TMEM135: variants seen among roughly 807,000 people sequenced by gnomAD.
The protein encoded by TMEM135 is transmembrane protein 135.
A neutral mutation model predicts 60.3 loss-of-function variants in TMEM135; 30 were observed. The observed-to-expected ratio is 0.50, with a 90% CI of 0.37 to 0.68. The LOEUF (loss-of-function observed/expected upper bound fraction) is 0.68. Among genes scored for constraint, TMEM135 ranks in the 30% least tolerant of loss-of-function variants. TMEM135 has a pLI of 0.00. For synonymous variants in TMEM135, 190 were observed against 186.7 expected, an observed-to-expected ratio of 1.02 and a Z score of -0.14; for missense variants, 468 against 548.8, an observed-to-expected ratio of 0.85 and a Z score of 1.47.
intron 13 of TMEM135, 122 bp downstream of exon 13, chr11:87,318,357 T>TTTTTG (rs903134090): frequency 4.8e-5 from 39 of 806,302 alleles, no homozygotes; most frequent in African/African-American, 4.7e-4. Context: ...TTAAGCTTCT[T>TTTTTG]TTTTGTTTTG....
At chr11:87,183,362 C>T (rs1034483986) in intron 5 of TMEM135, among the ~76,000 whole-genome samples, 4 of 150,872 alleles carry the variant, frequency 2.7e-5, no homozygotes, top group Non-Finnish European at 4.4e-5. Flanking sequence ...AGGCTGGGCT[C>T]GAACTCCTGA....
chr11:87,227,810 A>G (rs1216194788), intron 5 of TMEM135, among the ~76,000 whole-genome samples: 1 of 152,198 alleles, frequency 6.6e-6, no homozygotes, highest in African/African-American at 2.4e-5. Context: ...TGTTTTCAGA[A>G]AAGTTGAAGA....
At chr11:87,062,519 C>T (rs139692769) in intron 1 of TMEM135, among the ~76,000 whole-genome samples, 3,307 of 142,656 alleles carry the variant, frequency 0.023, 58 homozygotes, top group Admixed American at 0.036. Flanking sequence ...GTTGGAGTGC[C>T]ATGGTGTGAT....
chr11:87,309,477 A>G lies in TMEM135; in HGVS notation c.769-28A>G, dbSNP rs199497688. On this transcript the variant is annotated intron_variant, in intron 9 of 14. Coordinates refer to ENST00000305494, the MANE Select transcript of TMEM135 (RefSeq NM_022918.4). The stretch of plus-strand genomic sequence containing the variant: ...CAAAAACTTCAAAATTTGTTTGTAA[A>G]TCAGGTTTTTCTCCAAATTTCCTCT... The G allele has an allele frequency of 2.1e-4, 345 of 1,613,048 alleles. 4 individuals are homozygous for G. In the South Asian group the frequency reaches 3.6e-3, roughly 17 times the overall value.
chr11:87,037,969 T>A lies in TMEM135; in HGVS notation c.-77T>A. ...TCCGAGTGCTGGCCGGGCGAGAGGC[T>A]GGCGGCTGGGCTCTCGCGCCCCTCC... On this transcript the variant is annotated 5_prime_UTR_variant, in exon 1 of 15. Transcript: ENST00000305494. 1 of 1,600,974 alleles carries A rather than the reference T, an allele frequency of 6.2e-7. No individual in the cohort carries two copies.
chr11:87,237,199 A>G (rs1357929015), intron 6 of TMEM135, among the ~76,000 whole-genome samples: 1 of 151,998 alleles, frequency 6.6e-6, no homozygotes, highest in Non-Finnish European at 1.5e-5. Flanking sequence ...GTTGGGGGCT[A>G]AGGGGAAGAG....
At position 87,244,091 on chromosome 11, in the gene TMEM135, T is replaced by G. The variant is rs1440019261; in HGVS notation, c.509+7407T>G. ...GTTGAATTTTGTCAAAGGCCTTTTC[T>G]GCATCTATTGAGATAATCATGTGGT... On this transcript the variant is annotated intron_variant, in intron 6 of 14. Transcript: ENST00000305494. Among the ~76,000 whole-genome samples the G allele has an allele frequency of 2.4e-5, 2 of 83,926 alleles. 1 individual carries two copies. Among genetic ancestry groups the G allele is most frequent in the Non-Finnish European group, 5.6e-5 (2 of 35,808 alleles). The allele number at this position is 83,926 out of a possible 152,430, so 55.1% of individuals were successfully genotyped here. A position where few individuals can be genotyped will look rare whatever the true frequency, so the allele number is the denominator to read the frequency against.
chr11:87,146,663 G>A (rs755745704), intron 4 of TMEM135, among the ~76,000 whole-genome samples: 2 of 151,992 alleles, frequency 1.3e-5, no homozygotes, highest in African/African-American at 2.4e-5. Context: ...TCAAACATCC[G>A]TTAATCTCAA....
At position 87,038,145 on chromosome 11, in the gene TMEM135, G is replaced by A. The variant is rs1397258576; in HGVS notation, c.100G>A (p.Ala34Thr). ...CTCCTTCCTGCAGATCACCGGGGGC[G>A]CCCTGGAGGAGTCCCTGAAGATCTA... ...RVSFLQITGG[A>T]LEESLKIYAP... Residue 34 changes from alanine to threonine, a missense_variant, in exon 1 of 15, where the codon GCC becomes ACC. Transcript: ENST00000305494. The A allele has an allele frequency of 1.2e-6, 2 of 1,613,992 alleles. No homozygotes were observed. The highest frequency in any genetic ancestry group is 1.7e-6 in the Non-Finnish European group (2 of 1,180,046).
intron 4 of TMEM135, among the ~76,000 whole-genome samples, chr11:87,122,473 T>C (rs1937619407): frequency 1.3e-5 from 2 of 150,630 alleles, no homozygotes; most frequent in Non-Finnish European, 2.9e-5. Flanking sequence ...ATTATTTATT[T>C]TTTTTGAGAT....
At chr11:87,117,396 C>T (rs184874726) in intron 4 of TMEM135, among the ~76,000 whole-genome samples, 6 of 152,292 alleles carry the variant, frequency 3.9e-5, no homozygotes, top group African/African-American at 1.2e-4. Context: ...GCATTTCATC[C>T]ACAGTACAAT....
intron 1 of TMEM135, among the ~76,000 whole-genome samples, chr11:87,060,070 GC>G (rs1337347872): frequency 6.6e-6 from 1 of 151,922 alleles, no homozygotes; most frequent in Admixed American, 6.6e-5. Flanking sequence ...CGGAGATCGC[GC>G]CACTGCACTC....
rs941463484 is a variant in TMEM135, at chr11:87,236,677, T to C, written c.502T>C (p.Phe168Leu). The change falls in exon 6 of 15, where the codon TTT becomes CTT. Residue 168 changes from phenylalanine to leucine, a missense_variant. By Grantham distance (22) the Phe-to-Leu change is conservative. Transcript: ENST00000305494. Reference protein sequence around the residue: ...FCITAAMYMFFFRCKDGLKGF... With the variant: ...FCITAAMYMFLFRCKDGLKGF... Reference sequence around the variant, plus strand: ...CATCACAGCTGCCATGTACATGTTCTTTTTCAGGTATGTTCTGTTATACTT... The same window carrying C: ...CATCACAGCTGCCATGTACATGTTCCTTTTCAGGTATGTTCTGTTATACTT... The C allele has an allele frequency of 2.5e-6, 4 of 1,611,944 alleles. No homozygotes were observed. The African/African-American group carries it at 5.3e-5, about 22-fold the overall frequency.
At chr11:87,276,665 A>T (rs1380502755) in intron 6 of TMEM135, among the ~76,000 whole-genome samples, 6 of 115,642 alleles carry the variant, frequency 5.2e-5, no homozygotes, top group Admixed American at 4.9e-4. Context: ...GTGTTTGTGA[A>T]TTTTTTTTTT....
intron 4 of TMEM135, among the ~76,000 whole-genome samples, chr11:87,104,250 G>A (rs563142735): frequency 6.6e-6 from 1 of 152,150 alleles, no homozygotes; most frequent in South Asian, 2.1e-4. Context: ...ATAACTGTGG[G>A]TTTATTTATT....
intron 6 of TMEM135, among the ~76,000 whole-genome samples, chr11:87,278,836 TG>T (rs2135418262): frequency 6.6e-6 from 1 of 152,290 alleles, no homozygotes; most frequent in East Asian, 1.9e-4. Context: ...TGCATTTTTT[TG>T]TAGTCGGTTT....
intron 1 of TMEM135, among the ~76,000 whole-genome samples, chr11:87,057,946 G>C (rs1590985285): frequency 6.6e-6 from 1 of 152,288 alleles, no homozygotes; most frequent in East Asian, 1.9e-4. Context: ...AAAGGCCTGA[G>C]TACTAGAAGA....
intron 5 of TMEM135, among the ~76,000 whole-genome samples, chr11:87,209,678 C>G (rs994442973): frequency 4.6e-5 from 7 of 152,154 alleles, no homozygotes; most frequent in African/African-American, 1.7e-4. Flanking sequence ...CTCAACACGA[C>G]CAGTTGTACC....
At chr11:87,046,714 C>A (rs145169314) in intron 1 of TMEM135, among the ~76,000 whole-genome samples, 7 of 152,062 alleles carry the variant, frequency 4.6e-5, no homozygotes, top group Non-Finnish European at 7.4e-5. Context: ...TGGGTTAGGT[C>A]GACGAGGGAG....
Sources: allele counts gnomAD v4.1 joint callset (sites outside exome capture counted in the v4.1 genomes callset), GRCh38; gene constraint gnomAD v4.1.1; transcripts MANE v1.5; gene names NCBI Gene and HGNC (gene_info 2026-07-23, HGNC 2026-07-21).